The following GMEB2 variants were observed in gnomAD, a reference collection of about 807,000 sequenced individuals.
GMEB2 encodes the protein glucocorticoid modulatory element-binding protein 2.
Under a neutral mutation model 45.7 loss-of-function variants are expected in GMEB2, and 7 were observed. The ratio of observed to expected loss-of-function variants is 0.15; its 90% CI spans 0.09 to 0.29. The LOEUF (loss-of-function observed/expected upper bound fraction) is 0.29. Ranked by LOEUF, GMEB2 falls within the 10% of genes least tolerant of loss-of-function variation. The pLI is 1.00. For missense variants in GMEB2, 582 were observed against 739.2 expected (o/e 0.79, Z 2.47); for synonymous variants, 322 against 323.6 (o/e 1.00, Z 0.05).
intron 4 of GMEB2, among the ~76,000 whole-genome samples, chr20:63,601,251 G>C (rs1326525387): frequency 6.6e-6 from 1 of 152,194 alleles, no homozygotes; most frequent in African/African-American, 2.4e-5. Context: ...CATGCAGGCA[G>C]TGGGGTCTTC....
rs930115616 is a variant in GMEB2 at position 63,619,114 on chromosome 20, T to G, written c.131+153A>C. Among the ~76,000 whole-genome samples, 1 of 152,114 alleles carries G rather than the reference T, an allele frequency of 6.6e-6. No homozygotes were observed. Among genetic ancestry groups the G allele is most frequent in the Non-Finnish European group, 1.5e-5 (1 of 68,034 alleles). On this transcript the variant is annotated intron_variant, in intron 2 of 9. Coordinates refer to ENST00000370077, the MANE Select transcript of GMEB2 (RefSeq NM_012384.5). The surrounding 1 kb of genome is among the most constrained non-coding windows in gnomAD (Gnocchi z 4.6). The stretch of plus-strand genomic sequence containing the variant: ...CCGTGCCATTTCTGCTTTTCTTCGC[T>G]CTCTACTTACACACACATTTGAGTC...
At position 63,590,554 on chromosome 20, in the gene GMEB2, G is replaced by A. The variant is rs1569046359; in HGVS notation, c.1128C>T (p.Leu376=). ...CAAGCGCCAGCTGGGCAGACTGGGT[G>A]AGCACCTGCGAGGCCATGGCGGCCG... is the stretch of plus-strand genomic sequence containing the variant. ...SGPAAMASQV[L]TQSAQLALGP... is the part of the protein sequence containing the mutation. The change falls in exon 10 of 10, where the codon CTC becomes CTT. Residue 376 remains leucine, a synonymous_variant. Transcript: ENST00000370077. 2.6e-6 allele frequency: 4 copies of A among 1,549,686 alleles called. No individual in the cohort carries two copies. Among genetic ancestry groups the A allele is most frequent in the African/African-American group, 1.4e-5 (1 of 73,744 alleles).
chr20:63,595,061 C>A (rs1306748558), intron 6 of GMEB2, among the ~76,000 whole-genome samples: 3 of 152,230 alleles, frequency 2.0e-5, no homozygotes, highest in Non-Finnish European at 1.5e-5. Flanking sequence ...AAAAATTTCT[C>A]TATTCATAAA....
At position 63,592,245 on chromosome 20, in the gene GMEB2, G is replaced by A. The variant is rs1284021638; in HGVS notation, c.830-101C>T. On this transcript the variant is annotated intron_variant, in intron 8 of 9. Coordinates refer to ENST00000370077, the MANE Select transcript of GMEB2 (RefSeq NM_012384.5). This position sits in a 1 kb window ranked among gnomAD's most constrained non-coding sequence, Gnocchi z 8.2. ...CGGGACCTTCCTAGAGAGTCACGTG[G>A]ACGCTCGGTGAGAGCCTGGGCTCTT... 2 of 1,125,022 alleles carry A rather than the reference G, an allele frequency of 1.8e-6. No homozygotes were observed. Among genetic ancestry groups the A allele is most frequent in the Non-Finnish European group, 2.6e-6 (2 of 783,820 alleles). 69.7% of individuals were successfully genotyped at this position (1,125,022 alleles called of 1,614,324 possible).
At chr20:63,610,666 T>A (rs2089562577) in intron 2 of GMEB2, among the ~76,000 whole-genome samples, 1 of 152,202 alleles carries the variant, frequency 6.6e-6, no homozygotes, top group African/African-American at 2.4e-5. Flanking sequence ...CACGTGGGGT[T>A]CTCTTCTCAG....
At chr20:63,612,178 A>G (rs538718099) in intron 2 of GMEB2, among the ~76,000 whole-genome samples, 1 of 152,256 alleles carries the variant, frequency 6.6e-6, no homozygotes, top group East Asian at 1.9e-4. Flanking sequence ...TAGAAAATTT[A>G]AAAAAGAGAT....
rs756634351 is a variant in GMEB2 at position 63,590,146 on chromosome 20, C to A, written c.1536G>T (p.Glu512Asp). ...TVPAGAAPGP[E>D]EHTATIEVAA... ...CCACCTCAATGGTGGCCGTGTGCTC[C>A]TCAGGCCCGGGGGCAGCCCCTGCGG... The change falls in exon 10 of 10, where the codon GAG becomes GAT. Residue 512 changes from glutamate to aspartate, a missense_variant. By Grantham distance (45) the Glu-to-Asp change is conservative. Transcript: ENST00000370077. The A allele has an allele frequency of 3.7e-5, 58 of 1,566,150 alleles. No homozygotes were observed. The highest frequency in any genetic ancestry group is 1.4e-5 in the African/African-American group (1 of 73,714).
intron 2 of GMEB2, 129 bp from the exon 3 acceptor site, chr20:63,604,969 G>T (rs1487787579): frequency 1.4e-5 from 9 of 646,668 alleles, no homozygotes. Flanking sequence ...ATGGCAGAGG[G>T]GCCGGGTGCG....
intron 1 of GMEB2, among the ~76,000 whole-genome samples, chr20:63,622,710 C>A (rs920575785): frequency 6.6e-6 from 1 of 152,204 alleles, no homozygotes; most frequent in African/African-American, 2.4e-5. Flanking sequence ...GGCCACCAAT[C>A]GCAAATGGCA....
At chr20:63,622,853 C>T (rs749038038) in intron 1 of GMEB2, among the ~76,000 whole-genome samples, 10 of 152,232 alleles carry the variant, frequency 6.6e-5, no homozygotes, top group South Asian at 2.1e-4. Flanking sequence ...AAAAAGAAAC[C>T]GTGGGGAGCT....
Position 63,589,784 on chromosome 20 carries a change from G to A in GMEB2, c.*305C>T, listed in dbSNP as rs980775927. 4.7e-5 allele frequency: 13 copies of A among 275,352 alleles called. No individual in the cohort carries two copies. The highest frequency in any genetic ancestry group is 6.6e-5 in the African/African-American group (3 of 45,730). The allele number at this position is 275,352 out of a possible 1,614,324, so 17.1% of individuals were successfully genotyped here. A position where few individuals can be genotyped will look rare whatever the true frequency, so the allele number is the denominator to read the frequency against. ...TGCACCCAGGCTCCCCCTAGCCCCC[G>A]CCCACCTGGCTCCTGATCAAGGCCC... On this transcript the variant is annotated 3_prime_UTR_variant, in exon 10 of 10. Coordinates refer to ENST00000370077, the MANE Select transcript of GMEB2 (RefSeq NM_012384.5).
intron 1 of GMEB2, among the ~76,000 whole-genome samples, chr20:63,624,501 C>T (rs1053816645): frequency 2.0e-5 from 3 of 152,030 alleles, no homozygotes; most frequent in Non-Finnish European, 2.9e-5. Flanking sequence ...GCTGACTTCT[C>T]GGGGTTTAAC....
chr20:63,612,956 CTTTCTT>C (rs896202235), intron 2 of GMEB2, among the ~76,000 whole-genome samples: 3 of 151,942 alleles, frequency 2.0e-5, no homozygotes, highest in Non-Finnish European at 4.4e-5. Flanking sequence ...TGGTTTCTTT[CTTTCTT>C]TTTCTTTTTT....
rs903404616 is a variant in GMEB2, at chr20:63,619,586, C to T, written c.-57-132G>A. 15 of 504,720 alleles carry T rather than the reference C, an allele frequency of 3.0e-5. No individual in the cohort carries two copies. The South Asian group carries it at 3.7e-4, about 12-fold the overall frequency. 31.3% of individuals were successfully genotyped at this position (504,720 alleles called of 1,614,324 possible). A position where few individuals can be genotyped will look rare whatever the true frequency, so the allele number is the denominator to read the frequency against. On this transcript the variant is annotated intron_variant, in intron 1 of 9. Coordinates refer to ENST00000370077, the MANE Select transcript of GMEB2 (RefSeq NM_012384.5). This position sits in a 1 kb window ranked among gnomAD's most constrained non-coding sequence, Gnocchi z 4.6. ...CCAGACTGCTACCTCCTGACAAAAA[C>T]GAGCGGCAACAGAAGGGCTACTCCA...
intron 2 of GMEB2, among the ~76,000 whole-genome samples, chr20:63,609,557 C>A (rs372769748): frequency 6.2e-3 from 112 of 17,934 alleles, no homozygotes; most frequent in Non-Finnish European, 0.014. Context: ...CTGACCTCAC[C>A]TCCATTTCTA....
chr20:63,601,914 G>A (rs1413684443), intron 4 of GMEB2, among the ~76,000 whole-genome samples: 5 of 145,574 alleles, frequency 3.4e-5, no homozygotes, highest in African/African-American at 1.1e-4. Context: ...GCTTCCGTGG[G>A]GCCTGTGGCT....
chr20:63,604,681 C>T (rs1326003830), intron 3 of GMEB2, 62 bp downstream of exon 3: 11 of 899,970 alleles, frequency 1.2e-5, no homozygotes, highest in Non-Finnish European at 2.1e-5. Flanking sequence ...ATTTTGAGTG[C>T]AGGACTGTCC....
intron 2 of GMEB2, among the ~76,000 whole-genome samples, chr20:63,605,526 T>TAAA (rs11306158): frequency 1.7e-3 from 222 of 128,326 alleles, no homozygotes; most frequent in Admixed American, 3.2e-3. Context: ...CCGTCAAAAT[T>TAAA]AAAAAAAAAA....
At chr20:63,601,701 A>C (rs906946209) in intron 4 of GMEB2, among the ~76,000 whole-genome samples, 4 of 152,218 alleles carry the variant, frequency 2.6e-5, no homozygotes, top group Admixed American at 1.3e-4. Flanking sequence ...ATAAATTATT[A>C]AATATAACGA....
Sources: allele counts gnomAD v4.1 joint callset (sites outside exome capture counted in the v4.1 genomes callset), GRCh38; gene constraint gnomAD v4.1.1; non-coding constraint Gnocchi (gnomAD v3.1); transcripts MANE v1.5; gene names NCBI Gene and HGNC (gene_info 2026-07-23, HGNC 2026-07-21).